Variants in PCDHGB6 observed in about 807,000 individuals in gnomAD.
PCDHGB6 encodes the protein protocadherin gamma-B6.
PCDHGB6 carries 51 observed loss-of-function variants against 59.1 expected under a neutral mutation model. The observed-to-expected ratio is 0.86, with a 90% CI of 0.69 to 1.09. The LOEUF is 1.09. PCDHGB6 is among the 50% of genes least tolerant of loss of function. The probability of loss-of-function intolerance (pLI) is 0.00; values close to 1 mark genes in which losing one functional copy is unlikely to be tolerated. For synonymous variants in PCDHGB6, 466 were observed against 495.1 expected (o/e 0.94, Z 0.78); for missense variants, 1,148 against 1,205.1 (o/e 0.95, Z 0.70).
chr5:141,509,843 C>T (rs1596253565), intron 3 of PCDHGB6, among the ~76,000 whole-genome samples: 1 of 152,178 alleles, frequency 6.6e-6, no homozygotes, highest in African/African-American at 2.4e-5. Context: ...CTCCCATTCA[C>T]TCAGAACAGG....
rs756464724 is a variant in PCDHGB6, at chr5:141,478,476, A to T, written c.2419-16331A>T. The T allele has an allele frequency of 5.0e-6, 8 of 1,613,838 alleles. 1 individual carries two copies. The South Asian group carries it at 7.7e-5, about 16-fold the overall frequency. The stretch of plus-strand genomic sequence containing the variant: ...GCCAGTCCACTGGCCAGCCGCCAGA[A>T]CACGCTGCGGAGCTGTGATCCGGTG... On this transcript the variant is annotated intron_variant, in intron 1 of 3. Transcript: ENST00000520790.
intron 1 of PCDHGB6, chr5:141,433,097 G>C: frequency 6.2e-7 from 1 of 1,614,162 alleles, no homozygotes; most frequent in Non-Finnish European, 8.5e-7. Context: ...AGACATGCTC[G>C]TCAGCCAGGA....
intron 1 of PCDHGB6, among the ~76,000 whole-genome samples, chr5:141,465,219 C>A (rs1272266733): frequency 6.6e-6 from 1 of 152,004 alleles, no homozygotes; most frequent in Non-Finnish European, 1.5e-5. Context: ...TATTTTTCAA[C>A]ATGAGCTCCA....
chr5:141,440,401 C>T (rs1023628115), intron 1 of PCDHGB6: 4 of 152,088 alleles, frequency 2.6e-5, no homozygotes, highest in African/African-American at 7.3e-5. Context: ...GAGAGGCAAT[C>T]GCACCACTGC....
chr5:141,414,597 C>T, intron 1 of PCDHGB6: 5 of 1,613,972 alleles, frequency 3.1e-6, no homozygotes, highest in Non-Finnish European at 3.4e-6. Flanking sequence ...GGGGTGCCTC[C>T]ATCTTCTCAG....
chr5:141,491,233 G>T lies in PCDHGB6; in HGVS notation c.2419-3574G>T. 1 of 1,614,224 alleles carries T rather than the reference G, an allele frequency of 6.2e-7. No homozygotes were observed. The highest frequency in any genetic ancestry group is 2.2e-5 in the East Asian group (1 of 44,890). On this transcript the variant is annotated intron_variant, in intron 1 of 3. Transcript: ENST00000520790. The surrounding 1 kb of genome is among the most constrained non-coding windows in gnomAD (Gnocchi z 6.9). ...CTCCTCCACAGCCACAGTGCTGCTG[G>T]TTCTGGAGGATGAGGACCCTGAGGA...
At chr5:141,470,323 A>G (rs1029928511) in intron 1 of PCDHGB6, among the ~76,000 whole-genome samples, 1 of 152,188 alleles carries the variant, frequency 6.6e-6, no homozygotes, top group Non-Finnish European at 1.5e-5. Context: ...AAATGATCCC[A>G]TAATTTGACC....
At chr5:141,421,267 C>T in intron 1 of PCDHGB6, 1 of 1,611,374 alleles carries the variant, frequency 6.2e-7, no homozygotes, top group Non-Finnish European at 8.5e-7. Flanking sequence ...CAGTCGGCTG[C>T]TGCTGCTGCT....
In PCDHGB6 at chr5:141,433,051, G is replaced by A. The variant is rs754102028; in HGVS notation, c.2418+22431G>A. The A allele has an allele frequency of 1.8e-5, 29 of 1,614,066 alleles. No homozygotes were observed. In the East Asian group the frequency reaches 2.5e-4, roughly 14 times the overall value. On this transcript the variant is annotated intron_variant, in intron 1 of 3. Transcript: ENST00000520790. ...AGGTTTCCCTCACCACGGACTCGCG[G>A]AAGAGTCACCTGATCTTCCCCCAGC...
chr5:141,495,005 C>T (rs555909709), intron 2 of PCDHGB6, 140 bp downstream of exon 2: 1,141 of 1,522,692 alleles, frequency 7.5e-4, no homozygotes, highest in Non-Finnish European at 8.4e-4. Context: ...TCTTGGTGTG[C>T]GGGGGGCTGG....
intron 1 of PCDHGB6, among the ~76,000 whole-genome samples, chr5:141,450,976 C>T (rs2098702750): frequency 6.6e-6 from 1 of 152,032 alleles, no homozygotes; most frequent in Admixed American, 6.6e-5. Flanking sequence ...AGGCATGTGC[C>T]ACCACACCCG....
Position 141,427,133 on chromosome 5 carries a change from A to AGAT in PCDHGB6, c.2418+16517_2418+16519dup, listed in dbSNP as rs370316028. 2.9e-4 allele frequency: 134 copies of AGAT among 457,190 alleles called. 1 individual carries two copies. The highest frequency in any genetic ancestry group is 2.4e-3 in the African/African-American group (123 of 50,216). The allele number at this position is 457,190 out of a possible 1,614,324, so 28.3% of individuals were successfully genotyped here. On this transcript the variant is annotated intron_variant, in intron 1 of 3. Transcript: ENST00000520790. ...TCACCTACTCTTTCAAATCCCTACG[A>AGAT]GATGATATTGGAAATATGTTTGTGC...
At chr5:141,469,415 A>C (rs2099200751) in intron 1 of PCDHGB6, among the ~76,000 whole-genome samples, 1 of 152,116 alleles carries the variant, frequency 6.6e-6, no homozygotes, top group Admixed American at 6.5e-5. Flanking sequence ...TTTCTACTAA[A>C]AATATAAAAC....
At chr5:141,459,891 CT>C (rs1405964049) in intron 1 of PCDHGB6, among the ~76,000 whole-genome samples, 1 of 152,158 alleles carries the variant, frequency 6.6e-6, no homozygotes, top group African/African-American at 2.4e-5. Flanking sequence ...TGAACGCCTT[CT>C]TAAAATTGAG....
At chr5:141,444,788 G>T (rs775248284) in intron 1 of PCDHGB6, among the ~76,000 whole-genome samples, 59 of 151,920 alleles carry the variant, frequency 3.9e-4, no homozygotes, top group Non-Finnish European at 5.7e-4. Context: ...TGTTTCATTT[G>T]TCTATTCTTT....
At chr5:141,419,436 G>T (rs756968644) in intron 1 of PCDHGB6, 1 of 1,613,144 alleles carries the variant, frequency 6.2e-7, no homozygotes, top group East Asian at 2.2e-5. Context: ...GAGCAGCTGC[G>T]CACCTTCGAG....
rs2095396076 is a variant in PCDHGB6 at position 141,410,455 on chromosome 5, T to G, written c.2253T>G (p.Ser751=). 1.9e-6 allele frequency: 3 copies of G among 1,613,914 alleles called. No individual in the cohort carries two copies. The highest frequency in any genetic ancestry group is 2.7e-5 in the African/African-American group (2 of 74,942). ...PNYSEGTLPY[S]YNLCIAHTGT... is the part of the protein sequence containing the mutation. ...ACAGTGAGGGGACTTTGCCTTATTC[T>G]TATAATCTGTGCATTGCACATACGG... is the stretch of plus-strand genomic sequence containing the variant. The change falls in exon 1 of 4, where the codon TCT becomes TCG. Residue 751 remains serine (S), a synonymous_variant. Coordinates refer to ENST00000520790, the MANE Select transcript of PCDHGB6 (RefSeq NM_018926.3).
At chr5:141,413,687 T>A (rs1470256826) in intron 1 of PCDHGB6, 5 of 1,613,666 alleles carry the variant, frequency 3.1e-6, no homozygotes, top group Non-Finnish European at 3.4e-6. Flanking sequence ...GTGAACTCCC[T>A]GCAGAGCTAT....
In PCDHGB6 at chr5:141,490,304, T is replaced by G. The variant is rs2099698490; in HGVS notation, c.2419-4503T>G. On this transcript the variant is annotated intron_variant, in intron 1 of 3. Coordinates refer to ENST00000520790, the MANE Select transcript of PCDHGB6 (RefSeq NM_018926.3). This position sits in a 1 kb window ranked among gnomAD's most constrained non-coding sequence, Gnocchi z 5.4. ...GCCCCAGAGGTGCTATTGGCCTCTT[T>G]GGCCAACCCTGTCCTAGAGAGCACA... 1.2e-6 allele frequency: 2 copies of G among 1,614,026 alleles called. No homozygotes were observed. The highest frequency in any genetic ancestry group is 1.7e-5 in the Admixed American group (1 of 60,010).
Sources: gnomAD v4.1 joint callset for allele counts (sites outside exome capture counted in the v4.1 genomes callset) on GRCh38, gnomAD v4.1.1 for gene constraint, Gnocchi (gnomAD v3.1) non-coding constraint, MANE v1.5 for transcripts, NCBI Gene and HGNC (gene_info 2026-07-23, HGNC 2026-07-21) for gene names.